The following CACNA1S variants were observed in gnomAD, a reference collection of about 807,000 sequenced individuals.
The protein encoded by CACNA1S is calcium voltage-gated channel subunit alpha1 S, also known as voltage-dependent L-type calcium channel subunit alpha-1S.
A neutral mutation model predicts 207.4 loss-of-function variants in CACNA1S; 126 were observed. The observed-to-expected ratio is 0.61, with a 90% CI of 0.53 to 0.70. The LOEUF (loss-of-function observed/expected upper bound fraction) is 0.70, where lower values mean the gene tolerates loss of function less well. Ranked by LOEUF, CACNA1S falls within the 30% of genes least tolerant of loss-of-function variation. CACNA1S has a pLI of 0.00. For missense variants in CACNA1S, 2,349 were observed against 2,422.8 expected, an observed-to-expected ratio of 0.97 and a Z score of 0.64; for synonymous variants, 960 against 932.7, an observed-to-expected ratio of 1.03 and a Z score of -0.53.
chr1:201,069,677 G>T, intron 17 of CACNA1S, 76 bp from the exon 18 acceptor site: 1 of 1,509,054 alleles, frequency 6.6e-7, no homozygotes, highest in Non-Finnish European at 9.0e-7. Context: ...TCCATCCTGC[G>T]GACGAACATG....
intron 10 of CACNA1S, 79 bp from the exon 11 acceptor site, chr1:201,078,183 C>T: frequency 8.9e-7 from 1 of 1,126,134 alleles, no homozygotes; most frequent in Non-Finnish European, 1.4e-6. Context: ...GGCTGGGCCT[C>T]AACCCAGGAC....
intron 2 of CACNA1S, among the ~76,000 whole-genome samples, chr1:201,107,708 G>A (rs1247496453): frequency 6.6e-6 from 1 of 152,192 alleles, no homozygotes; most frequent in African/African-American, 2.4e-5. Flanking sequence ...AGTGCCTACT[G>A]CCCTTTTCTA....
chr1:201,104,628 T>A (rs929300312), intron 2 of CACNA1S, among the ~76,000 whole-genome samples: 1 of 152,268 alleles, frequency 6.6e-6, no homozygotes, highest in Non-Finnish European at 1.5e-5. Context: ...GTTGAACTAA[T>A]CTTTGATATG....
At position 201,070,356 on chromosome 1, in the gene CACNA1S, C is replaced by T. The variant is rs771314646; in HGVS notation, c.2276G>A (p.Arg759His). Residue 759 changes from arginine (R) to histidine (H), a missense_variant, in exon 17 of 44, where the codon CGT (arginine) becomes CAT (histidine). By Grantham distance (29) the Arg-to-His change is conservative (BLOSUM62 0). Coordinates refer to ENST00000362061, the MANE Select transcript of CACNA1S (RefSeq NM_000069.3). ...TTTCAGCTGCAGCTCAGCCAGGGGACGTGGTCGGGGGCTCAGCGGGATCTC... is the reference window on the plus strand; with the variant it reads ...TTTCAGCTGCAGCTCAGCCAGGGGATGTGGTCGGGGGCTCAGCGGGATCTC... ...EPEIPLSPRP[R>H]PLAELQLKEK... The T allele has an allele frequency of 8.1e-6, 13 of 1,614,064 alleles. No homozygotes were observed. Among genetic ancestry groups the T allele is most frequent in the South Asian group, 1.1e-5 (1 of 91,076 alleles).
intron 28 of CACNA1S, among the ~76,000 whole-genome samples, chr1:201,057,937 C>T (rs1053459405): frequency 2.1e-4 from 32 of 152,228 alleles, no homozygotes; most frequent in African/African-American, 7.2e-4. Flanking sequence ...CAGCCTTGCC[C>T]TCTCTGTTCT....
intron 2 of CACNA1S, among the ~76,000 whole-genome samples, chr1:201,104,820 G>T (rs889030753): frequency 6.6e-6 from 1 of 152,182 alleles, no homozygotes; most frequent in African/African-American, 2.4e-5. Context: ...CCTCAGCCTG[G>T]CCTAGGCTGG....
intron 19 of CACNA1S, among the ~76,000 whole-genome samples, chr1:201,068,231 CTTTTTTTTTTTTTTTTTTT>C (rs60151209): frequency 2.1e-5 from 1 of 46,958 alleles, no homozygotes; most frequent in African/African-American, 1.0e-4. Context: ...CGGCTCTGCT[CTTTTTTTTTTTTTTTTTTT>C]TTTTTTTTTT....
rs201570722 is a variant in CACNA1S, at chr1:201,066,067, CT to C, written c.2746-123del. 0.011 allele frequency: 9,918 copies of C among 931,582 alleles called. 75 individuals carry two copies. Among genetic ancestry groups the C allele is most frequent in the Middle Eastern group, 0.022 (107 of 4,788 alleles). 57.7% of individuals were successfully genotyped at this position (931,582 alleles called of 1,614,324 possible). ...CTGATGAGTTGGAGGTGGGGAAAGGCTGGTGGGGAAGCATAGCTACCCCAGC... is the reference window on the plus strand; with the variant it reads ...CTGATGAGTTGGAGGTGGGGAAAGGCGGTGGGGAAGCATAGCTACCCCAGC... On this transcript the variant is annotated intron_variant, in intron 21 of 43. Coordinates refer to ENST00000362061, the MANE Select transcript of CACNA1S (RefSeq NM_000069.3). The surrounding 1 kb of genome is among the most constrained non-coding windows in gnomAD (Gnocchi z 4.3).
rs540448406 is a variant in CACNA1S, at chr1:201,048,604, C to T, written c.4419G>A (p.Thr1473=). Residue 1473 remains threonine, a synonymous_variant, in exon 36 of 44, where the codon ACG becomes ACA. Coordinates refer to ENST00000362061, the MANE Select transcript of CACNA1S (RefSeq NM_000069.3). ...FNATLFALVR[T]ALKIKTEGNF... ...CACCTTCCGTCTTGATCTTGAGTGC[C>T]GTGCGGACCAGGGCAAAGAGTGTGG... is the stretch of plus-strand genomic sequence containing the variant. The T allele has an allele frequency of 2.2e-5, 36 of 1,613,918 alleles. No individual in the cohort carries two copies. The highest frequency in any genetic ancestry group is 1.1e-4 in the South Asian group (10 of 91,080).
At chr1:201,111,759 T>A (rs1663112154) in intron 1 of CACNA1S, among the ~76,000 whole-genome samples, 2 of 152,142 alleles carry the variant, frequency 1.3e-5, no homozygotes, top group South Asian at 4.1e-4. Context: ...AAAAACCTAG[T>A]GGCACCCCAT....
intron 1 of CACNA1S, 131 bp from the exon 2 acceptor site, chr1:201,110,400 C>A: frequency 1.3e-6 from 1 of 786,218 alleles, no homozygotes; most frequent in Non-Finnish European, 2.2e-6. Flanking sequence ...TGGACGCTCG[C>A]CCACGCTGCT....
At chr1:201,091,020 C>A (rs377654284) in intron 5 of CACNA1S, among the ~76,000 whole-genome samples, 4 of 152,258 alleles carry the variant, frequency 2.6e-5, no homozygotes, top group South Asian at 4.1e-4. Context: ...CCTCGGTTTT[C>A]ATTTCTCATA....
chr1:201,071,594 C>T (rs1392413826), intron 16 of CACNA1S, among the ~76,000 whole-genome samples: 1 of 152,130 alleles, frequency 6.6e-6, no homozygotes, highest in African/African-American at 2.4e-5. Flanking sequence ...CTTGGTAAGA[C>T]TCTCTTCCTG....
At position 201,069,345 on chromosome 1, in the gene CACNA1S, T is replaced by C. The variant is rs116109841; in HGVS notation, c.2490+127A>G. The C allele has an allele frequency of 1.1e-3, 1,559 of 1,471,322 alleles. 10 individuals are homozygous for C. The African/African-American group carries it at 0.019, about 18-fold the overall frequency. The allele number at this position is 1,471,322 out of a possible 1,614,324, so 91.1% of individuals were successfully genotyped here. On this transcript the variant is annotated intron_variant, in intron 18 of 43. Coordinates refer to ENST00000362061, the MANE Select transcript of CACNA1S (RefSeq NM_000069.3). ...GGAGTGGAGTGGGCAGTCCTATCCC[T>C]GAGGAACTGAACTCTAAGAAACTCT...
intron 7 of CACNA1S, among the ~76,000 whole-genome samples, chr1:201,086,698 AGT>A (rs1662050731): frequency 6.6e-6 from 1 of 152,260 alleles, no homozygotes; most frequent in Non-Finnish European, 1.5e-5. Flanking sequence ...GTTAAAATAT[AGT>A]TATCCATACA....
At chr1:201,091,440 C>T (rs777077263) in intron 5 of CACNA1S, among the ~76,000 whole-genome samples, 200 bp downstream of exon 5, 3 of 152,226 alleles carry the variant, frequency 2.0e-5, no homozygotes, top group Non-Finnish European at 2.9e-5. Context: ...GCCCAGGCCC[C>T]TGCTCACTTT....
At chr1:201,046,574 ACT>A (rs903059292) in intron 38 of CACNA1S, among the ~76,000 whole-genome samples, 1 of 149,932 alleles carries the variant, frequency 6.7e-6, no homozygotes, top group African/African-American at 2.5e-5. Context: ...ACACAGTCTC[ACT>A]CTGTCGCCCA....
At chr1:201,076,262 C>T (rs1342024308) in intron 12 of CACNA1S, among the ~76,000 whole-genome samples, 4 of 152,170 alleles carry the variant, frequency 2.6e-5, no homozygotes, top group African/African-American at 9.7e-5. Flanking sequence ...CTTGAAAGGC[C>T]GGAGGCCTGA....
intron 4 of CACNA1S, 62 bp downstream of exon 4, chr1:201,091,910 C>A: frequency 6.2e-7 from 1 of 1,610,696 alleles, no homozygotes; most frequent in Non-Finnish European, 8.5e-7. Context: ...GGACCCAGAA[C>A]TGGGGGACAA....
Sources: gnomAD v4.1 joint callset for allele counts (sites outside exome capture counted in the v4.1 genomes callset) on GRCh38, gnomAD v4.1.1 for gene constraint, Gnocchi (gnomAD v3.1) non-coding constraint, MANE v1.5 for transcripts, NCBI Gene and HGNC (gene_info 2026-07-23, HGNC 2026-07-21) for gene names.